ANKS1B: variants seen among roughly 807,000 people sequenced by gnomAD.
The protein encoded by ANKS1B is ankyrin repeat and sterile alpha motif domain containing 1B.
Under a neutral mutation model 148.3 loss-of-function variants are expected in ANKS1B, and 36 were observed. That is an observed-to-expected ratio of 0.24 (90% confidence interval 0.19 to 0.32). ANKS1B has a LOEUF of 0.32. Ranked by LOEUF, ANKS1B falls within the 10% of genes least tolerant of loss-of-function variation. ANKS1B has a pLI of 1.00. For missense variants in ANKS1B, 1,157 were observed against 1,542.6 expected (o/e 0.75, Z 4.19); for synonymous variants, 542 against 560.8 (o/e 0.97, Z 0.47).
intron 12 of ANKS1B, among the ~76,000 whole-genome samples, chr12:99,255,195 T>G (rs2075113939): frequency 6.6e-6 from 1 of 152,176 alleles, no homozygotes; most frequent in Admixed American, 6.5e-5. Context: ...ATCTGGAGTC[T>G]CTATACCTTT....
At chr12:99,142,353 G>A (rs1475949693) in intron 15 of ANKS1B, among the ~76,000 whole-genome samples, 2 of 152,068 alleles carry the variant, frequency 1.3e-5, no homozygotes, top group Non-Finnish European at 2.9e-5. Flanking sequence ...GATGACAGAG[G>A]CTGATGGTAT....
chr12:99,101,321 T>A (rs772251044), intron 15 of ANKS1B, among the ~76,000 whole-genome samples: 12 of 152,162 alleles, frequency 7.9e-5, no homozygotes, highest in Non-Finnish European at 1.6e-4. Context: ...TAAAGAGCTC[T>A]TGCAGCCATA....
intron 9 of ANKS1B, among the ~76,000 whole-genome samples, chr12:99,641,080 A>C (rs1056144391): frequency 1.2e-4 from 19 of 152,210 alleles, no homozygotes; most frequent in African/African-American, 4.1e-4. Context: ...TTAACATTGC[A>C]CATATTAGAA....
chr12:99,352,676 C>A lies in ANKS1B; in HGVS notation c.1756+46955G>T, dbSNP rs376927117. 7.0e-4 allele frequency among the ~76,000 whole-genome samples: 107 copies of A among 152,002 alleles called. 2 individuals are homozygous for A. In the South Asian group the frequency reaches 0.021, roughly 30 times the overall value. On this transcript the variant is annotated intron_variant, in intron 12 of 26. Transcript: ENST00000683438. ...AGGCCATCCCCATCAGGCAAAAGAC[C>A]CATCTGAAGATAAAAATCACACCAT...
At chr12:99,055,351 T>C (rs2099968898) in intron 16 of ANKS1B, among the ~76,000 whole-genome samples, 1 of 152,182 alleles carries the variant, frequency 6.6e-6, no homozygotes, top group Non-Finnish European at 1.5e-5. Context: ...GTCTTGCCGT[T>C]GGCCCATCCA....
intron 1 of ANKS1B, among the ~76,000 whole-genome samples, chr12:99,934,183 T>C (rs781525640): frequency 6.6e-6 from 1 of 152,136 alleles, no homozygotes; most frequent in African/African-American, 2.4e-5. Context: ...TAGTGTTTTG[T>C]TGAGGATTTC....
chr12:99,578,807 GA>G (rs1250919337), intron 9 of ANKS1B, among the ~76,000 whole-genome samples: 2 of 151,928 alleles, frequency 1.3e-5, no homozygotes, highest in Admixed American at 6.6e-5. Context: ...ATATTCCTGT[GA>G]AACTACCAAC....
At chr12:99,092,839 T>C (rs2153652148) in intron 15 of ANKS1B, among the ~76,000 whole-genome samples, 1 of 152,334 alleles carries the variant, frequency 6.6e-6, no homozygotes, top group South Asian at 2.1e-4. Context: ...GTGTAGCAGG[T>C]ACTTCACCCA....
chr12:98,796,988 A>C (rs1294678222), intron 22 of ANKS1B, among the ~76,000 whole-genome samples: 1 of 152,224 alleles, frequency 6.6e-6, no homozygotes, highest in African/African-American at 2.4e-5. Flanking sequence ...ACTGATGCTG[A>C]TTATCACACC....
At chr12:98,755,102 G>A (rs1488122077) in intron 25 of ANKS1B, among the ~76,000 whole-genome samples, 3 of 152,030 alleles carry the variant, frequency 2.0e-5, no homozygotes, top group South Asian at 2.1e-4. Context: ...TGCCCATCCC[G>A]ACACACCAGG....
At position 99,555,582 on chromosome 12, in the gene ANKS1B, A is replaced by G. The variant is rs114679553; in HGVS notation, c.1273-50941T>C. 6.0e-3 allele frequency among the ~76,000 whole-genome samples: 912 copies of G among 152,186 alleles called. 8 individuals carry two copies. Among genetic ancestry groups the G allele is most frequent in the African/African-American group, 0.02 (851 of 41,524 alleles). Reference sequence around the variant, plus strand: ...ATGATGTTGGTTGTGGGTTTGTCATAGATGTCTGTTATTATTTTGAGGTAT... The same window carrying G: ...ATGATGTTGGTTGTGGGTTTGTCATGGATGTCTGTTATTATTTTGAGGTAT... On this transcript the variant is annotated intron_variant, in intron 9 of 26. Transcript: ENST00000683438.
intron 17 of ANKS1B, among the ~76,000 whole-genome samples, chr12:98,916,618 T>C (rs1442889726): frequency 1.3e-5 from 2 of 152,252 alleles, no homozygotes; most frequent in Non-Finnish European, 2.9e-5. Flanking sequence ...AGAGATGATA[T>C]TCAAAATGTT....
chr12:98,772,490 C>A (rs1399183505), intron 25 of ANKS1B, among the ~76,000 whole-genome samples: 2 of 152,146 alleles, frequency 1.3e-5, no homozygotes, highest in Non-Finnish European at 2.9e-5. Context: ...GCTGGGGAGG[C>A]CTCACAATCA....
At chr12:99,960,300 G>C (rs935199920) in intron 1 of ANKS1B, among the ~76,000 whole-genome samples, 5 of 152,166 alleles carry the variant, frequency 3.3e-5, no homozygotes, top group Non-Finnish European at 7.3e-5. Flanking sequence ...GCGAGGTAAG[G>C]TTTCCTTATA....
chr12:99,682,782 C>A (rs1320119176), intron 8 of ANKS1B, among the ~76,000 whole-genome samples: 1 of 151,904 alleles, frequency 6.6e-6, no homozygotes, highest in Non-Finnish European at 1.5e-5. Context: ...GATATTGAAA[C>A]AACAACAACA....
intron 19 of ANKS1B, among the ~76,000 whole-genome samples, chr12:98,816,145 T>C (rs1346634263): frequency 2.6e-5 from 4 of 152,172 alleles, no homozygotes; most frequent in African/African-American, 9.7e-5. Flanking sequence ...TCCCTCTGGC[T>C]ACTATAGGCC....
intron 25 of ANKS1B, among the ~76,000 whole-genome samples, chr12:98,756,727 C>CTTT (rs1197713336): frequency 1.6e-5 from 2 of 127,436 alleles, no homozygotes; most frequent in Non-Finnish European, 1.7e-5. Context: ...CTCCATCTAT[C>CTTT]TTTTTTTTTT....
rs2099759670 is a variant in ANKS1B at position 98,894,557 on chromosome 12, G to A, written c.2779-62421C>T. 9 of 984,026 alleles carry A rather than the reference G, an allele frequency of 9.1e-6. No homozygotes were observed. In the South Asian group the frequency reaches 1.4e-4, roughly 15 times the overall value. The allele number at this position is 984,026 out of a possible 1,614,324, so 61.0% of individuals were successfully genotyped here. A position where few individuals can be genotyped will look rare whatever the true frequency, so the allele number is the denominator to read the frequency against. On this transcript the variant is annotated intron_variant, in intron 17 of 26. Coordinates refer to ENST00000683438, the MANE Select transcript of ANKS1B (RefSeq NM_001352186.2). ...CTTCCTCCGCCTCTGCCCCGGCTGCGGCACCACTTCTTGGAGCCACGTCTC... is the reference window on the plus strand; with the variant it reads ...CTTCCTCCGCCTCTGCCCCGGCTGCAGCACCACTTCTTGGAGCCACGTCTC...
At chr12:99,581,431 G>T (rs1267436786) in intron 9 of ANKS1B, among the ~76,000 whole-genome samples, 2 of 152,094 alleles carry the variant, frequency 1.3e-5, no homozygotes, top group African/African-American at 2.4e-5. Flanking sequence ...CTTAAATGTA[G>T]GCCCTAAACT....
Sources: gnomAD v4.1 joint callset for allele counts (sites outside exome capture counted in the v4.1 genomes callset) on GRCh38, gnomAD v4.1.1 for gene constraint, MANE v1.5 for transcripts, NCBI Gene and HGNC (gene_info 2026-07-23, HGNC 2026-07-21) for gene names.